Variants in THRB observed in about 807,000 individuals in gnomAD.
THRB encodes thyroid hormone receptor beta, also known as nuclear receptor subfamily 1 group A member 2.
A neutral mutation model predicts 47.8 loss-of-function variants in THRB; 12 were observed. That is an observed-to-expected ratio of 0.25 (90% confidence interval 0.16 to 0.41). THRB has a LOEUF of 0.41. Ranked by LOEUF, THRB falls within the 10% of genes least tolerant of loss-of-function variation. The pLI is 1.00. For missense variants in THRB, 348 were observed against 589.2 expected (o/e 0.59, Z 4.24); for synonymous variants, 218 against 212.2 (o/e 1.03, Z -0.24).
At chr3:24,313,417 C>T (rs2057894211) in intron 2 of THRB, among the ~76,000 whole-genome samples, 1 of 152,172 alleles carries the variant, frequency 6.6e-6, no homozygotes, top group Admixed American at 6.5e-5. Context: ...ATGCAGCAAA[C>T]ATCCTTGAAG....
At chr3:24,419,190 G>A (rs938503562) in intron 1 of THRB, among the ~76,000 whole-genome samples, 1 of 151,900 alleles carries the variant, frequency 6.6e-6, no homozygotes, top group African/African-American at 2.4e-5. Context: ...AAAATTTAGA[G>A]CTTTCTCCTT....
At chr3:24,398,464 G>A (rs557515898) in intron 1 of THRB, among the ~76,000 whole-genome samples, 5 of 152,254 alleles carry the variant, frequency 3.3e-5, no homozygotes, top group South Asian at 4.1e-4. Flanking sequence ...GCAGCCAACA[G>A]ACACATGAAA....
At chr3:24,457,323 A>C (rs1405482347) in intron 1 of THRB, among the ~76,000 whole-genome samples, 1 of 152,120 alleles carries the variant, frequency 6.6e-6, no homozygotes, top group East Asian at 1.9e-4. Context: ...CATTTTGTCC[A>C]TGAGACCCTT....
intron 4 of THRB, among the ~76,000 whole-genome samples, chr3:24,199,869 T>C (rs909562657): frequency 1.3e-5 from 2 of 152,200 alleles, no homozygotes; most frequent in Non-Finnish European, 2.9e-5. Flanking sequence ...ACCAGGTTCA[T>C]AGGCAACATC....
chr3:24,271,459 C>G (rs1310710696), intron 3 of THRB, among the ~76,000 whole-genome samples: 1 of 152,188 alleles, frequency 6.6e-6, no homozygotes, highest in East Asian at 1.9e-4. Context: ...GAGGTTACTA[C>G]AGGGCTTTTG....
intron 1 of THRB, among the ~76,000 whole-genome samples, chr3:24,361,876 T>C (rs916227199): frequency 1.3e-5 from 2 of 152,146 alleles, no homozygotes; most frequent in South Asian, 4.1e-4. Context: ...ATTTAACTTA[T>C]GGGCAGATGA....
chr3:24,289,619 CT>C (rs1354884086), intron 3 of THRB, among the ~76,000 whole-genome samples: 3 of 152,178 alleles, frequency 2.0e-5, no homozygotes, highest in African/African-American at 7.2e-5. Flanking sequence ...TAAAATACCA[CT>C]TGGCTTTTTA....
chr3:24,470,502 C>T (rs1413595726), intron 1 of THRB, among the ~76,000 whole-genome samples: 1 of 152,214 alleles, frequency 6.6e-6, no homozygotes, highest in Non-Finnish European at 1.5e-5. Flanking sequence ...AATAGGTTAA[C>T]ATACGTAAAG....
rs541786085 is a variant in THRB at position 24,481,331 on chromosome 3, C to T, written c.-261+13321G>A. Among the ~76,000 whole-genome samples the T allele has an allele frequency of 8.9e-5, 13 of 145,600 alleles. No homozygotes were observed. The East Asian group carries it at 2.2e-3, about 25-fold the overall frequency. The stretch of plus-strand genomic sequence containing the variant: ...TATTTATAATGCAGGACAGCAGGGC[C>T]TTGTAAGTGTATATTCTGGTTCATC... On this transcript the variant is annotated intron_variant, in intron 1 of 10. Coordinates refer to ENST00000646209, the MANE Select transcript of THRB (RefSeq NM_001354712.2).
intron 1 of THRB, among the ~76,000 whole-genome samples, chr3:24,395,336 CAGAAG>C (rs750976024): frequency 1.3e-5 from 2 of 151,970 alleles, no homozygotes; most frequent in Non-Finnish European, 2.9e-5. Context: ...AGACAACCCA[CAGAAG>C]AGAAGAATAT....
intron 5 of THRB, among the ~76,000 whole-genome samples, chr3:24,179,630 C>G (rs1250442846): frequency 6.6e-6 from 1 of 152,164 alleles, no homozygotes; most frequent in Non-Finnish European, 1.5e-5. Flanking sequence ...ACCTTGAAGA[C>G]TTAGTGGTCC....
intron 3 of THRB, among the ~76,000 whole-genome samples, chr3:24,258,472 T>G (rs2051562815): frequency 6.6e-6 from 1 of 152,190 alleles, no homozygotes; most frequent in Non-Finnish European, 1.5e-5. Context: ...AGTTCTCATG[T>G]GGCATTGAAC....
chr3:24,253,086 A>G (rs967199105), intron 3 of THRB, among the ~76,000 whole-genome samples: 2 of 152,232 alleles, frequency 1.3e-5, no homozygotes, highest in Admixed American at 6.5e-5. Flanking sequence ...GGAAAGAAAG[A>G]AAGGTAGAAA....
intron 4 of THRB, among the ~76,000 whole-genome samples, chr3:24,202,962 G>A (rs977994553): frequency 5.3e-5 from 8 of 152,146 alleles, no homozygotes; most frequent in Non-Finnish European, 1.0e-4. Flanking sequence ...CCTCAGGATG[G>A]GTCAACTGGC....
rs190078914 is a variant in THRB at position 24,122,416 on chromosome 3, C to T, written c.*468G>A. The T allele has an allele frequency of 1.8e-3, 398 of 216,464 alleles. 6 individuals are homozygous for T. The Admixed American group carries it at 0.019, about 11-fold the overall frequency. The allele number at this position is 216,464 out of a possible 1,614,324, so 13.4% of individuals were successfully genotyped here. On this transcript the variant is annotated 3_prime_UTR_variant, in exon 11 of 11. Transcript: ENST00000646209. ...GCTCTTGAATAGATGAAAATTTGTTCGAGTCTTTCCCTAAAAGGCTGAAAG... is the reference window on the plus strand; with the variant it reads ...GCTCTTGAATAGATGAAAATTTGTTTGAGTCTTTCCCTAAAAGGCTGAAAG...
chr3:24,449,006 A>G (rs1359798458), intron 1 of THRB, among the ~76,000 whole-genome samples: 1 of 152,244 alleles, frequency 6.6e-6, no homozygotes, highest in Non-Finnish European at 1.5e-5. Flanking sequence ...AGGAAGTCAA[A>G]GCAGGAATGG....
At chr3:24,248,235 C>A (rs1300904340) in intron 3 of THRB, among the ~76,000 whole-genome samples, 1 of 152,020 alleles carries the variant, frequency 6.6e-6, no homozygotes, top group African/African-American at 2.4e-5. Flanking sequence ...ATGAACTGCC[C>A]TTGAACCCTA....
intron 3 of THRB, among the ~76,000 whole-genome samples, chr3:24,250,595 A>G (rs953917204): frequency 3.3e-5 from 5 of 152,108 alleles, no homozygotes; most frequent in Non-Finnish European, 5.9e-5. Context: ...CAGCTACAGG[A>G]GAGACTAAGG....
chr3:24,198,676 C>A (rs2149700067), intron 4 of THRB, among the ~76,000 whole-genome samples: 1 of 152,116 alleles, frequency 6.6e-6, no homozygotes, highest in Admixed American at 6.5e-5. Flanking sequence ...AAATACATTT[C>A]TTATTTATTC....
Sources: allele counts gnomAD v4.1 joint callset (sites outside exome capture counted in the v4.1 genomes callset), GRCh38; gene constraint gnomAD v4.1.1; transcripts MANE v1.5; gene names NCBI Gene and HGNC (gene_info 2026-07-23, HGNC 2026-07-21).